EGFR: variants seen among roughly 807,000 people sequenced by gnomAD.
EGFR encodes epidermal growth factor receptor, also known as avian erythroblastic leukemia viral (v-erb-b) oncogene homolog.
In EGFR, 58 loss-of-function variants were observed where a neutral mutation model predicts 143.0. The observed-to-expected ratio is 0.41, with a 90% CI of 0.33 to 0.50. EGFR has a LOEUF of 0.50. EGFR is among the 20% of genes least tolerant of loss of function. The pLI is 0.39. For synonymous variants in EGFR, 613 were observed against 594.4 expected (o/e 1.03, Z -0.45); for missense variants, 1,307 against 1,579.0 (o/e 0.83, Z 2.92).
intron 22 of EGFR, among the ~76,000 whole-genome samples, chr7:55,193,582 T>A (rs1318989533): frequency 6.6e-6 from 1 of 152,162 alleles, no homozygotes; most frequent in African/African-American, 2.4e-5. Context: ...CACTTGGTCC[T>A]TGAATTTCAC....
intron 20 of EGFR, chr7:55,181,993 T>C (rs1215297739): frequency 9.6e-6 from 2 of 208,816 alleles, no homozygotes; most frequent in African/African-American, 2.3e-5. Flanking sequence ...TGTCCCCCTT[T>C]CCACAGGCTC....
intron 1 of EGFR, among the ~76,000 whole-genome samples, chr7:55,091,084 G>T (rs567766967): frequency 6.6e-6 from 1 of 152,196 alleles, no homozygotes; most frequent in Admixed American, 6.5e-5. Flanking sequence ...GTGCAAGATC[G>T]CTGAGTTGGC....
chr7:55,128,911 A>C (rs966509341), intron 1 of EGFR, among the ~76,000 whole-genome samples: 1 of 152,226 alleles, frequency 6.6e-6, no homozygotes, highest in East Asian at 1.9e-4. Context: ...CTCAACTGCC[A>C]TATTCATTAT....
chr7:55,020,577 C>T (rs1366709491), intron 1 of EGFR, among the ~76,000 whole-genome samples: 1 of 151,954 alleles, frequency 6.6e-6, no homozygotes, highest in African/African-American at 2.4e-5. Context: ...CACACACACA[C>T]ACACACACAC....
intron 5 of EGFR, chr7:55,152,211 G>C (rs989193667): frequency 3.0e-5 from 13 of 440,134 alleles, no homozygotes; most frequent in African/African-American, 1.0e-4. Flanking sequence ...GCTGAATTGT[G>C]GGGGGGCTGT....
At chr7:55,030,083 A>G (rs1222372704) in intron 1 of EGFR, among the ~76,000 whole-genome samples, 2 of 152,116 alleles carry the variant, frequency 1.3e-5, no homozygotes, top group Non-Finnish European at 2.9e-5. Context: ...CCAGGCTCAG[A>G]GCGATTCTGC....
At chr7:55,174,544 C>G (rs1186372489) in intron 18 of EGFR, among the ~76,000 whole-genome samples, 178 bp from the exon 19 acceptor site, 2 of 152,236 alleles carry the variant, frequency 1.3e-5, no homozygotes, top group African/African-American at 4.8e-5. Flanking sequence ...AGCCCAACAG[C>G]TGCAGGGCTG....
At chr7:55,069,450 C>T (rs556473367) in intron 1 of EGFR, among the ~76,000 whole-genome samples, 1 of 152,212 alleles carries the variant, frequency 6.6e-6, no homozygotes, top group South Asian at 2.1e-4. Context: ...AAAAAGACCC[C>T]TTGTTCTACT....
intron 24 of EGFR, 55 bp downstream of exon 24, chr7:55,200,468 A>C: frequency 1.6e-5 from 24 of 1,538,028 alleles, no homozygotes; most frequent in Non-Finnish European, 2.0e-5. Context: ...TGAGCATCTC[A>C]TGTCACTGTG....
chr7:55,092,915 T>A lies in EGFR; in HGVS notation c.89-49371T>A, dbSNP rs567319413. On this transcript the variant is annotated intron_variant, in intron 1 of 27. Transcript: ENST00000275493. ...ATTAGACATTAGGAATTTGGAGGGCTTTTTATTGCTAGCATTTTTAAGAAT... is the reference window on the plus strand; with the variant it reads ...ATTAGACATTAGGAATTTGGAGGGCATTTTATTGCTAGCATTTTTAAGAAT... 7.2e-5 allele frequency among the ~76,000 whole-genome samples: 11 copies of A among 152,388 alleles called. No individual in the cohort carries two copies. The South Asian group carries it at 2.3e-3, about 32-fold the overall frequency.
chr7:55,153,505 A>T (rs1785258308), intron 6 of EGFR, among the ~76,000 whole-genome samples: 1 of 152,206 alleles, frequency 6.6e-6, no homozygotes, highest in Non-Finnish European at 1.5e-5. Context: ...GCTGTTTCTA[A>T]TGTGAGCCCC....
intron 1 of EGFR, among the ~76,000 whole-genome samples, chr7:55,041,167 C>A (rs1562661559): frequency 6.6e-6 from 1 of 152,218 alleles, no homozygotes; most frequent in Non-Finnish European, 1.5e-5. Flanking sequence ...AATCCCAGCA[C>A]TTTGGGAGTC....
At position 55,205,753 on chromosome 7, in the gene EGFR, C is replaced by T. The variant is rs771477460; in HGVS notation, c.*136C>T. 14 of 1,385,820 alleles carry T rather than the reference C, an allele frequency of 1.0e-5. No homozygotes were observed. The highest frequency in any genetic ancestry group is 9.0e-5 in the Admixed American group (5 of 55,578). 85.8% of individuals were successfully genotyped at this position (1,385,820 alleles called of 1,614,324 possible). ...CAGACTGGTTTTGCAACGTTTACAC[C>T]GACTAGCCAGGAAGTACTTCCACCT... is the stretch of plus-strand genomic sequence containing the variant. On this transcript the variant is annotated 3_prime_UTR_variant, in exon 28 of 28. Coordinates refer to ENST00000275493, the MANE Select transcript of EGFR (RefSeq NM_005228.5).
At chr7:55,191,601 G>A (rs2128964104) in intron 20 of EGFR, 118 bp from the exon 21 acceptor site, 1 of 1,384,866 alleles carries the variant, frequency 7.2e-7, no homozygotes, top group Non-Finnish European at 1.0e-6. Context: ...ACGTTCGCCA[G>A]CCATAAGTCC....
chr7:55,150,375 A>C (rs184874865), intron 4 of EGFR, among the ~76,000 whole-genome samples: 1 of 152,128 alleles, frequency 6.6e-6, no homozygotes, highest in East Asian at 1.9e-4. Flanking sequence ...CCCGGCCTTC[A>C]TGTCTCTAAG....
At chr7:55,103,917 G>A (rs1190702524) in intron 1 of EGFR, among the ~76,000 whole-genome samples, 1 of 152,200 alleles carries the variant, frequency 6.6e-6, no homozygotes, top group Non-Finnish European at 1.5e-5. Context: ...AAACTGTTCT[G>A]AAATGACATT....
At chr7:55,122,274 C>T (rs1307928976) in intron 1 of EGFR, among the ~76,000 whole-genome samples, 1 of 152,188 alleles carries the variant, frequency 6.6e-6, no homozygotes, top group African/African-American at 2.4e-5. Flanking sequence ...CCTGGCAGCT[C>T]CCATCTGGTC....
chr7:55,056,489 G>A (rs770148661), intron 1 of EGFR, among the ~76,000 whole-genome samples: 8 of 152,108 alleles, frequency 5.3e-5, no homozygotes, highest in Admixed American at 4.6e-4. Flanking sequence ...TGCCAACTGC[G>A]GTTCCCATTT....
chr7:55,157,039 C>T (rs1785458499), intron 10 of EGFR: 3 of 1,285,510 alleles, frequency 2.3e-6, no homozygotes, highest in African/African-American at 3.0e-5. Flanking sequence ...TCATTCACTG[C>T]GGTGTAAACA....
Sources: gnomAD v4.1 joint callset for allele counts (sites outside exome capture counted in the v4.1 genomes callset) on GRCh38, gnomAD v4.1.1 for gene constraint, MANE v1.5 for transcripts, NCBI Gene and HGNC (gene_info 2026-07-23, HGNC 2026-07-21) for gene names.